HLCS: variants seen among roughly 807,000 people sequenced by gnomAD.
HLCS encodes biotin--protein ligase.
HLCS carries 53 observed loss-of-function variants against 75.0 expected under a neutral mutation model. That is an observed-to-expected ratio of 0.71 (90% CI 0.57 to 0.89). The LOEUF (loss-of-function observed/expected upper bound fraction) is 0.89, where lower values mean the gene tolerates loss of function less well. Ranked by LOEUF, HLCS falls within the 40% of genes least tolerant of loss-of-function variation. HLCS has a pLI of 0.00. For missense variants in HLCS, 966 were observed against 1,074.0 expected (o/e 0.90, Z 1.41); for synonymous variants, 431 against 428.6 (o/e 1.01, Z -0.07).
intron 6 of HLCS, among the ~76,000 whole-genome samples, chr21:36,823,645 G>GTGTGTGTGTGTA (rs1347977458): frequency 1.8e-3 from 266 of 151,404 alleles, no homozygotes; most frequent in African/African-American, 5.7e-3. Context: ...GTGTGTGTGT[G>GTGTGTGTGTGTA]TGTACACATG....
chr21:36,973,942 G>A (rs189908514), intron 1 of HLCS: 19 of 152,778 alleles, frequency 1.2e-4, no homozygotes, highest in African/African-American at 4.1e-4. Context: ...AGTGAGCCAA[G>A]ATCATGCCCT....
At chr21:36,910,845 G>A (rs893035397) in intron 5 of HLCS, among the ~76,000 whole-genome samples, 1 of 152,146 alleles carries the variant, frequency 6.6e-6, no homozygotes, top group African/African-American at 2.4e-5. Flanking sequence ...CTGCACCCTG[G>A]CATGAGTTCC....
intron 9 of HLCS, 28 bp from the exon 10 acceptor site, chr21:36,756,783 T>G (rs1435721119): frequency 6.2e-7 from 1 of 1,613,666 alleles, no homozygotes; most frequent in Admixed American, 1.7e-5. Context: ...ATTGAGCAGC[T>G]CAGCCTGTTG....
chr21:36,925,423 C>G (rs2066359053), intron 5 of HLCS, among the ~76,000 whole-genome samples: 7 of 152,206 alleles, frequency 4.6e-5, no homozygotes, highest in Admixed American at 4.6e-4. Context: ...TTCTTGTGCT[C>G]CCCAGATCCT....
intron 9 of HLCS, 134 bp downstream of exon 9, chr21:36,759,593 T>C (rs2089746605): frequency 1.5e-6 from 1 of 682,842 alleles, no homozygotes; most frequent in Non-Finnish European, 2.7e-6. Flanking sequence ...ATCTATACCC[T>C]GCTCCAAAAC....
At chr21:36,949,013 G>A (rs189554796) in intron 2 of HLCS, among the ~76,000 whole-genome samples, 5 of 152,234 alleles carry the variant, frequency 3.3e-5, no homozygotes, top group Middle Eastern at 3.4e-3. Flanking sequence ...GTGTTCTGTA[G>A]ACAGCCGATA....
intron 6 of HLCS, among the ~76,000 whole-genome samples, chr21:36,808,301 T>C (rs1033693232): frequency 2.6e-5 from 4 of 152,356 alleles, no homozygotes; most frequent in African/African-American, 9.6e-5. Flanking sequence ...TAGCTCATCA[T>C]ATTATTACAA....
intron 10 of HLCS, among the ~76,000 whole-genome samples, chr21:36,755,834 G>A (rs2089547301): frequency 6.6e-6 from 1 of 152,228 alleles, no homozygotes; most frequent in South Asian, 2.1e-4. Flanking sequence ...CAGCCCAGGG[G>A]TTTCTGATGC....
intron 6 of HLCS, among the ~76,000 whole-genome samples, chr21:36,816,187 A>G (rs1017724803): frequency 1.3e-5 from 2 of 152,122 alleles, no homozygotes; most frequent in African/African-American, 4.8e-5. Context: ...GGATCAATAA[A>G]AGAATGTCTG....
chr21:36,773,925 TA>T (rs1453390256), intron 6 of HLCS, among the ~76,000 whole-genome samples: 4 of 152,228 alleles, frequency 2.6e-5, no homozygotes. Flanking sequence ...TAGCACTTTC[TA>T]AAAAGTTAAA....
At chr21:36,952,688 G>A (rs942749738) in intron 2 of HLCS, among the ~76,000 whole-genome samples, 2 of 151,692 alleles carry the variant, frequency 1.3e-5, no homozygotes, top group African/African-American at 4.8e-5. Context: ...CTACCCGGGA[G>A]GCTGAGGCAG....
chr21:36,983,715 T>C (rs1470443160), intron 1 of HLCS, among the ~76,000 whole-genome samples: 1 of 151,354 alleles, frequency 6.6e-6, no homozygotes, highest in African/African-American at 2.4e-5. Flanking sequence ...CGGGCACCTG[T>C]AGTCCCAACT....
chr21:36,917,078 C>A (rs1380529614), intron 5 of HLCS, among the ~76,000 whole-genome samples: 3 of 152,136 alleles, frequency 2.0e-5, no homozygotes, highest in Non-Finnish European at 4.4e-5. Context: ...TGGTGTATGA[C>A]TCTTTTACCT....
rs186760202 is a variant in HLCS at position 36,960,990 on chromosome 21, G to A, written c.330+1046C>T. ...AGCTCAGACAAAAGATAATGAACAT[G>A]AGGATGGAATGAGGAGCAGTGGAGA... On this transcript the variant is annotated intron_variant, in intron 2 of 10. Coordinates refer to ENST00000674895, the MANE Select transcript of HLCS (RefSeq NM_001352514.2). Among the ~76,000 whole-genome samples the A allele has an allele frequency of 2.0e-5, 3 of 152,366 alleles. No homozygotes were observed. In the East Asian group the frequency reaches 5.8e-4, roughly 29 times the overall value.
chr21:36,828,899 T>C (rs988405331), intron 6 of HLCS, among the ~76,000 whole-genome samples: 3 of 152,164 alleles, frequency 2.0e-5, no homozygotes, highest in Non-Finnish European at 4.4e-5. Flanking sequence ...GAACCACCCA[T>C]GGGAGACAAA....
intron 6 of HLCS, among the ~76,000 whole-genome samples, chr21:36,856,902 A>G (rs370855345): frequency 6.2e-4 from 94 of 152,304 alleles, no homozygotes; most frequent in African/African-American, 2.0e-3. Context: ...CATACATACA[A>G]GGTAATTTCT....
chr21:36,811,930 G>A (rs146789605), intron 6 of HLCS, among the ~76,000 whole-genome samples: 51 of 152,202 alleles, frequency 3.4e-4, no homozygotes, highest in African/African-American at 8.9e-4. Context: ...TCTGGGTCTC[G>A]GCTTCTTAAC....
chr21:36,891,521 A>T (rs1318344540), intron 6 of HLCS, among the ~76,000 whole-genome samples: 1 of 152,192 alleles, frequency 6.6e-6, no homozygotes, highest in Non-Finnish European at 1.5e-5. Context: ...TGGGCAGAGG[A>T]TCACTGGCAA....
chr21:36,791,045 G>A (rs1289794410), intron 6 of HLCS, among the ~76,000 whole-genome samples: 9 of 152,196 alleles, frequency 5.9e-5, no homozygotes, highest in African/African-American at 1.2e-4. Context: ...TGTATTTAAA[G>A]TTGGCTAAAT....
Sources: gnomAD v4.1 joint callset for allele counts (sites outside exome capture counted in the v4.1 genomes callset) on GRCh38, gnomAD v4.1.1 for gene constraint, MANE v1.5 for transcripts, NCBI Gene and HGNC (gene_info 2026-07-23, HGNC 2026-07-21) for gene names.